TMPRSS15: variants seen among roughly 807,000 people sequenced by gnomAD.
The protein encoded by TMPRSS15 is transmembrane serine protease 15.
Under a neutral mutation model 125.3 loss-of-function variants are expected in TMPRSS15, and 128 were observed. That is an observed-to-expected ratio of 1.02 (90% CI 0.89 to 1.18). The LOEUF is 1.18. TMPRSS15 is among the 50% of genes most tolerant of loss of function. TMPRSS15 has a pLI of 0.00. For missense variants in TMPRSS15, 1,283 were observed against 1,212.7 expected (o/e 1.06, Z -0.86); for synonymous variants, 446 against 423.2 (o/e 1.05, Z -0.66).
intron 13 of TMPRSS15, among the ~76,000 whole-genome samples, 171 bp downstream of exon 13, chr21:18,341,242 G>GTTTC (rs2075442445): frequency 6.6e-6 from 1 of 152,028 alleles, no homozygotes; most frequent in South Asian, 2.1e-4. Flanking sequence ...GTGTTTGTTT[G>GTTTC]TTTTGTTTTG....
At chr21:18,383,221 T>C (rs7275275) in intron 4 of TMPRSS15, among the ~76,000 whole-genome samples, 13,194 of 141,944 alleles carry the variant, frequency 0.093, 68 homozygotes, top group African/African-American at 0.11. Flanking sequence ...CACAAACTTC[T>C]GTGCATGCCA....
Position 18,453,545 on chromosome 21 carries a change from C to T in TMPRSS15, c.10+32254G>A, listed in dbSNP as rs1978382118. 2.6e-5 allele frequency among the ~76,000 whole-genome samples: 4 copies of T among 152,128 alleles called. No homozygotes were observed. In the South Asian group the frequency reaches 6.2e-4, roughly 24 times the overall value. On this transcript the variant is annotated intron_variant, in intron 1 of 7. Coordinates refer to the TMPRSS15 transcript ENST00000422787. ...CAATGATGCAGTTCACATCTAAAGGCCATCAAGACTGGAGATTTAGAGACG... is the reference window on the plus strand; with the variant it reads ...CAATGATGCAGTTCACATCTAAAGGTCATCAAGACTGGAGATTTAGAGACG...
intron 18 of TMPRSS15, among the ~76,000 whole-genome samples, chr21:18,312,039 C>A (rs1426892202): frequency 6.6e-6 from 1 of 152,020 alleles, no homozygotes; most frequent in African/African-American, 2.4e-5. Flanking sequence ...TTATAGACCT[C>A]ATAGTTTAAT....
At chr21:18,272,035 T>G (rs757761176) in intron 24 of TMPRSS15, among the ~76,000 whole-genome samples, 4 of 152,214 alleles carry the variant, frequency 2.6e-5, no homozygotes, top group Non-Finnish European at 5.9e-5. Context: ...AGTGCTGCAA[T>G]AAATACACGT....
At chr21:18,364,363 T>C (rs1410367133) in intron 7 of TMPRSS15, among the ~76,000 whole-genome samples, 1 of 152,182 alleles carries the variant, frequency 6.6e-6, no homozygotes, top group African/African-American at 2.4e-5. Flanking sequence ...TTCAGTATTT[T>C]AACAAGAAAG....
At chr21:18,404,063 G>A (rs2123151253), upstream of TMPRSS15, among the ~76,000 whole-genome samples, 1 of 152,254 alleles carries the variant, frequency 6.6e-6, no homozygotes, top group South Asian at 2.1e-4. Context: ...TCTACCCTCT[G>A]ACTCAGATGA....
chr21:18,444,566 T>C (rs752359197), intron 1 of TMPRSS15, among the ~76,000 whole-genome samples: 56 of 152,108 alleles, frequency 3.7e-4, no homozygotes, highest in Non-Finnish European at 6.0e-4. Flanking sequence ...CAAACCACCA[T>C]GGCACATGTA....
chr21:18,327,104 C>T (rs1047932245), intron 15 of TMPRSS15, among the ~76,000 whole-genome samples: 1 of 152,086 alleles, frequency 6.6e-6, no homozygotes, highest in Non-Finnish European at 1.5e-5. Context: ...ACATTCTTTA[C>T]TATATTTCAG....
At chr21:18,292,068 G>T (rs1003348234) in intron 21 of TMPRSS15, among the ~76,000 whole-genome samples, 1 of 152,136 alleles carries the variant, frequency 6.6e-6, no homozygotes, top group Non-Finnish European at 1.5e-5. Context: ...TTCCTACAAT[G>T]GAAAGTCCAA....
chr21:18,325,323 T>A (rs1381892922), intron 16 of TMPRSS15, among the ~76,000 whole-genome samples: 3 of 152,210 alleles, frequency 2.0e-5, no homozygotes, highest in Non-Finnish European at 2.9e-5. Flanking sequence ...GATTAATCGA[T>A]TGAGCTACCA....
Position 18,352,920 on chromosome 21 carries a change from G to A in TMPRSS15, c.1154C>T (p.Thr385Ile), listed in dbSNP as rs1255800265. Residue 385 changes from threonine to isoleucine, a missense_variant, in exon 10 of 25, where the codon ACT becomes ATT. Physicochemically the swap from Thr to Ile is moderately conservative, Grantham distance 89 (BLOSUM62 -1). Coordinates refer to ENST00000284885, the MANE Select transcript of TMPRSS15 (RefSeq NM_002772.3). Reference protein sequence around the residue: ...SPFTGPNFDHTFGNASGFYIS... With the variant: ...SPFTGPNFDHIFGNASGFYIS... ...AATTATACCTGAAGCATTGCCAAAA[G>A]TGTGGTCAAAATTGGGTCCAGTAAA... The A allele has an allele frequency of 1.2e-6, 2 of 1,612,156 alleles. No individual in the cohort carries two copies. Among genetic ancestry groups the A allele is most frequent in the East Asian group, 2.2e-5 (1 of 44,762 alleles).
At chr21:18,326,888 A>G (rs79300982) in intron 15 of TMPRSS15, among the ~76,000 whole-genome samples, 2,061 of 152,322 alleles carry the variant, frequency 0.014, 41 homozygotes, top group African/African-American at 0.047. Flanking sequence ...ATGACTGACT[A>G]CTTATAAAGA....
chr21:18,378,894 T>A (rs566664342), intron 5 of TMPRSS15, among the ~76,000 whole-genome samples: 40 of 152,216 alleles, frequency 2.6e-4, no homozygotes, highest in African/African-American at 9.1e-4. Context: ...AAGTGCTGTG[T>A]TAACAGGAGA....
At position 18,386,478 on chromosome 21, in the gene TMPRSS15, GA is replaced by G. The variant is rs532250560; in HGVS notation, c.345-2701del. ...AGCAGAATTTTATATACAAATAGATGAAAAAAACAGCTGGTTGGATATTTTT... is the reference window on the plus strand; with the variant it reads ...AGCAGAATTTTATATACAAATAGATGAAAAAACAGCTGGTTGGATATTTTT... On this transcript the variant is annotated intron_variant, in intron 3 of 24. Coordinates refer to ENST00000284885, the MANE Select transcript of TMPRSS15 (RefSeq NM_002772.3). Among the ~76,000 whole-genome samples the G allele has an allele frequency of 2.3e-3, 350 of 152,094 alleles. 2 individuals carry two copies. The highest frequency in any genetic ancestry group is 4.4e-3 in the South Asian group (21 of 4,810).
intron 1 of TMPRSS15, among the ~76,000 whole-genome samples, chr21:18,417,095 T>G (rs1358636456): frequency 6.6e-6 from 1 of 152,120 alleles, no homozygotes; most frequent in Non-Finnish European, 1.5e-5. Context: ...TCATGTCAAT[T>G]GTAACATTTC....
At chr21:18,448,992 T>C (rs1483112837) in intron 1 of TMPRSS15, among the ~76,000 whole-genome samples, 1 of 152,164 alleles carries the variant, frequency 6.6e-6, no homozygotes, top group African/African-American at 2.4e-5. Flanking sequence ...GCTGTTTATA[T>C]TGGTGAGTTA....
chr21:18,360,235 T>A (rs2075667178), intron 7 of TMPRSS15, among the ~76,000 whole-genome samples: 1 of 152,154 alleles, frequency 6.6e-6, no homozygotes, highest in African/African-American at 2.4e-5. Flanking sequence ...TAGCATAATG[T>A]TCTCAAGGTT....
intron 21 of TMPRSS15, among the ~76,000 whole-genome samples, chr21:18,285,897 T>G (rs1171777870): frequency 1.3e-5 from 2 of 152,246 alleles, no homozygotes; most frequent in Non-Finnish European, 2.9e-5. Flanking sequence ...TTAATTTTTC[T>G]TCCTTTTCAT....
chr21:18,348,677 A>G (rs886863327), intron 10 of TMPRSS15, among the ~76,000 whole-genome samples: 1 of 152,216 alleles, frequency 6.6e-6, no homozygotes, highest in Non-Finnish European at 1.5e-5. Context: ...TATTTTAGAA[A>G]AAGTTTATAT....
Sources: gnomAD v4.1 joint callset for allele counts (sites outside exome capture counted in the v4.1 genomes callset) on GRCh38, gnomAD v4.1.1 for gene constraint, MANE v1.5 for transcripts, NCBI Gene and HGNC (gene_info 2026-07-23, HGNC 2026-07-21) for gene names.